The following BDH2 variants were observed in gnomAD, a reference collection of about 807,000 sequenced individuals.
BDH2 encodes the protein dehydrogenase/reductase SDR family member 6.
In BDH2, 24 loss-of-function variants were observed where a neutral mutation model predicts 33.2. The ratio of observed to expected loss-of-function variants is 0.72; its 90% CI spans 0.52 to 1.02. The LOEUF is 1.02. BDH2 is among the 50% of genes least tolerant of loss of function. The pLI, the probability that BDH2 is intolerant of heterozygous loss-of-function variation, is 0.00. For synonymous variants in BDH2, 81 were observed against 101.6 expected (o/e 0.80, Z 1.22); for missense variants, 249 against 301.6 (o/e 0.83, Z 1.29).
At chr4:103,087,723 A>G (rs72943192) in intron 5 of BDH2, among the ~76,000 whole-genome samples, 2 of 152,354 alleles carry the variant, frequency 1.3e-5, no homozygotes, top group African/African-American at 4.8e-5. Context: ...GCCCTGTCCT[A>G]TAGCTAAATA....
At chr4:103,091,982 C>T (rs900851958) in intron 4 of BDH2, among the ~76,000 whole-genome samples, 5 of 152,056 alleles carry the variant, frequency 3.3e-5, no homozygotes, top group Non-Finnish European at 5.9e-5. Context: ...AAAACAAACC[C>T]GTAAAGTAGC....
intron 6 of BDH2, 99 bp from the exon 7 acceptor site, chr4:103,085,561 C>T (rs144530272): frequency 1.4e-6 from 2 of 1,421,454 alleles, no homozygotes; most frequent in Admixed American, 2.1e-5. Context: ...CATTTTCATG[C>T]TTTCTCCCAC....
rs1487773665 is a variant in BDH2 at position 103,094,882 on chromosome 4, CA to C, written c.151+320del. 3.3e-5 allele frequency among the ~76,000 whole-genome samples: 5 copies of C among 152,080 alleles called. 1 individual carries two copies. The East Asian group carries it at 5.8e-4, about 18-fold the overall frequency. ...AGGGCTATCCTAGAGGAGGAGGGCA[CA>C]GAAGTGAAAAGCTGTCATGAAAAGT... On this transcript the variant is annotated intron_variant, in intron 3 of 9. Coordinates refer to ENST00000296424, the MANE Select transcript of BDH2 (RefSeq NM_020139.4).
chr4:103,085,936 A>T, intron 6 of BDH2: 1 of 1,181,940 alleles, frequency 8.5e-7, no homozygotes, highest in African/African-American at 1.6e-5. Flanking sequence ...TTGTGACATA[A>T]TCCACATTTT....
Position 103,082,156 on chromosome 4 carries a change from C to T in BDH2, c.609G>A (p.Leu203=). Residue 203 remains leucine (L), a synonymous_variant, in exon 9 of 10, where the codon CTG becomes CTA. Coordinates refer to ENST00000296424, the MANE Select transcript of BDH2 (RefSeq NM_020139.4). ...GNPEEARNDF[L]KRQKTGRFAT... ...CGAATCTTCCCGTCTTTTGTCTCTT[C>T]AGGAAATCATTCCGTGCCTGTGACC... The T allele has an allele frequency of 6.2e-7, 1 of 1,614,064 alleles. No homozygotes were observed. Among genetic ancestry groups the T allele is most frequent in the Non-Finnish European group, 8.5e-7 (1 of 1,179,956 alleles).
rs760262326 is a variant in BDH2, at chr4:103,085,353, G to A, written c.528C>T (p.Cys176=). 11 of 1,608,182 alleles carry A rather than the reference G, an allele frequency of 6.8e-6. No individual in the cohort carries two copies. In the East Asian group the frequency reaches 8.9e-5, roughly 13 times the overall value. ...IQQGIRCNCV[C]PGTVDTPSLQ... is the part of the protein sequence containing the mutation. ...AAACAGGTGTGCCTTACTCACCTGGGCACACACAGTTGCACCTGATGCCCT... is the reference window on the plus strand; with the variant it reads ...AAACAGGTGTGCCTTACTCACCTGGACACACACAGTTGCACCTGATGCCCT... The change falls in exon 7 of 10, where the codon TGC becomes TGT. Residue 176 remains cysteine, a synonymous_variant. Coordinates refer to ENST00000296424, the MANE Select transcript of BDH2 (RefSeq NM_020139.4).
At chr4:103,084,878 C>T (rs1578501108) in intron 7 of BDH2, among the ~76,000 whole-genome samples, 1 of 151,786 alleles carries the variant, frequency 6.6e-6, no homozygotes, top group East Asian at 1.9e-4. Flanking sequence ...TTTGAAAGGT[C>T]CCCAGGTCAT....
At chr4:103,095,400 G>A in intron 2 of BDH2, 119 bp from the exon 3 acceptor site, 2 of 709,740 alleles carry the variant, frequency 2.8e-6, no homozygotes, top group East Asian at 5.4e-5. Context: ...TTCCCTATAA[G>A]ATAGCTAGAA....
chr4:103,095,063 G>A lies in BDH2; in HGVS notation c.151+140C>T, dbSNP rs550820060. 1.2e-5 allele frequency: 7 copies of A among 584,928 alleles called. No homozygotes were observed. The African/African-American group carries it at 1.3e-4, about 11-fold the overall frequency. The allele number at this position is 584,928 out of a possible 1,614,324, so 36.2% of individuals were successfully genotyped here. On this transcript the variant is annotated intron_variant, in intron 3 of 9. Transcript: ENST00000296424. The stretch of plus-strand genomic sequence containing the variant: ...TTTGTCTATAGGTTCACAAAATATA[G>A]ATTTCATATCAGAGAGAGAATCTAA...
chr4:103,078,245 T>A lies in BDH2; in HGVS notation c.*1457A>T, dbSNP rs1747333249. Among the ~76,000 whole-genome samples the A allele has an allele frequency of 6.6e-6, 1 of 152,216 alleles. No individual in the cohort carries two copies. Among genetic ancestry groups the A allele is most frequent in the African/African-American group, 2.4e-5 (1 of 41,468 alleles). Reference sequence around the variant, plus strand: ...GACAATGTTACAGAATTAACATCCATAAATTTACTTTTCTTGAAAAATTTA... The same window carrying A: ...GACAATGTTACAGAATTAACATCCAAAAATTTACTTTTCTTGAAAAATTTA... On this transcript the variant is annotated 3_prime_UTR_variant, in exon 10 of 10. Transcript: ENST00000296424.
At chr4:103,081,032 C>A (rs908009220) in intron 9 of BDH2, among the ~76,000 whole-genome samples, 1 of 152,230 alleles carries the variant, frequency 6.6e-6, no homozygotes, top group Admixed American at 6.5e-5. Context: ...GAGGAGCTAT[C>A]AGTTGTTCCC....
At position 103,091,305 on chromosome 4, in the gene BDH2, A is replaced by G. The variant is rs1251374712; in HGVS notation, c.249-20T>C. The stretch of plus-strand genomic sequence containing the variant: ...ACAAAACTAGAAGAGTGATTAAACA[A>G]TGGAAGAATAACTGCCATTAAAATT... On this transcript the variant is annotated intron_variant, in intron 4 of 9. Transcript: ENST00000296424. 2 of 1,527,684 alleles carry G rather than the reference A, an allele frequency of 1.3e-6. No homozygotes were observed. The highest frequency in any genetic ancestry group is 2.3e-5 in the South Asian group (2 of 87,992). 94.6% of individuals were successfully genotyped at this position (1,527,684 alleles called of 1,614,324 possible). A position where few individuals can be genotyped will look rare whatever the true frequency, so the allele number is the denominator to read the frequency against.
chr4:103,096,245 G>T lies in BDH2; in HGVS notation c.10C>A (p.Leu4Ile). MGR[L>I]DGKVIILTAA... ...GTCAGGATGATGACTTTCCCATCAA[G>T]TCGACCCATAATGGAACCTGTGGTT... is the stretch of plus-strand genomic sequence containing the variant. The change falls in exon 2 of 10, where the codon CTT (leucine) becomes ATT (isoleucine). Residue 4 changes from leucine (L) to isoleucine (I), a missense_variant. Physicochemically the swap from Leu to Ile is conservative, Grantham distance 5. Transcript: ENST00000296424. 6.2e-7 allele frequency: 1 copy of T among 1,613,752 alleles called. No homozygotes were observed. Among genetic ancestry groups the T allele is most frequent in the Middle Eastern group, 1.7e-4 (1 of 6,060 alleles).
rs760800523 is a variant in BDH2 at position 103,082,116 on chromosome 4, T to C, written c.649A>G (p.Ile217Val). The part of the protein sequence containing the change: ...KTGRFATAEE[I>V]AMLCVYLASD... ...GCCAAATACACGCAGAGCATGGCTATTTCTTCTGCAGTTGCGAATCTTCCC... is the reference window on the plus strand; with the variant it reads ...GCCAAATACACGCAGAGCATGGCTACTTCTTCTGCAGTTGCGAATCTTCCC... The change falls in exon 9 of 10, where the codon ATA (isoleucine) becomes GTA (valine). Residue 217 changes from isoleucine (I) to valine (V), a missense_variant. Physicochemically the swap from Ile to Val is conservative, Grantham distance 29. Transcript: ENST00000296424. 11 of 1,614,088 alleles carry C rather than the reference T, an allele frequency of 6.8e-6. No individual in the cohort carries two copies. Among genetic ancestry groups the C allele is most frequent in the Non-Finnish European group, 9.3e-6 (11 of 1,180,030 alleles).
chr4:103,077,982 T>G lies in BDH2; in HGVS notation c.*1720A>C, dbSNP rs554173406. Among the ~76,000 whole-genome samples, 5 of 152,236 alleles carry G rather than the reference T, an allele frequency of 3.3e-5. No homozygotes were observed. Among genetic ancestry groups the G allele is most frequent in the Non-Finnish European group, 5.9e-5 (4 of 68,040 alleles). On this transcript the variant is annotated 3_prime_UTR_variant, in exon 10 of 10. Transcript: ENST00000296424. ...GTCAAAATGTCCTTTTGTGTGAATT[T>G]TAATGTACCGTCATCAACTGCATGA...
intron 6 of BDH2, 49 bp downstream of exon 6, chr4:103,086,431 A>G: frequency 1.3e-6 from 2 of 1,589,830 alleles, no homozygotes; most frequent in Non-Finnish European, 1.7e-6. Flanking sequence ...AGAGCTCTTA[A>G]TGATGTGCGT....
At chr4:103,087,148 A>C (rs1285109369) in intron 5 of BDH2, among the ~76,000 whole-genome samples, 1 of 152,102 alleles carries the variant, frequency 6.6e-6, no homozygotes, top group Non-Finnish European at 1.5e-5. Context: ...TCAGAAAAAT[A>C]AAAGAAAAGG....
At chr4:103,095,921 T>C (rs1218523416) in intron 2 of BDH2, among the ~76,000 whole-genome samples, 6 of 152,204 alleles carry the variant, frequency 3.9e-5, no homozygotes, top group Non-Finnish European at 8.8e-5. Context: ...GCAGAGAAAC[T>C]GAAGTAGAGA....
intron 5 of BDH2, among the ~76,000 whole-genome samples, chr4:103,090,111 A>G (rs1748007576): frequency 6.6e-6 from 1 of 152,152 alleles, no homozygotes; most frequent in Non-Finnish European, 1.5e-5. Context: ...GGAAGGGAAA[A>G]GTTGTTCTTC....
Sources: gnomAD v4.1 joint callset for allele counts (sites outside exome capture counted in the v4.1 genomes callset) on GRCh38, gnomAD v4.1.1 for gene constraint, MANE v1.5 for transcripts, NCBI Gene and HGNC (gene_info 2026-07-23, HGNC 2026-07-21) for gene names.